Variants in ASB15 observed in about 807,000 individuals in gnomAD.
ASB15 encodes the protein ankyrin repeat and SOCS box protein 15.
ASB15 carries 54 observed loss-of-function variants against 58.0 expected under a neutral mutation model. That is an observed-to-expected ratio of 0.93 (90% confidence interval 0.75 to 1.17). ASB15 has a LOEUF of 1.17. Among genes scored for constraint, ASB15 ranks in the 50% most tolerant of loss-of-function variants. The pLI is 0.00. For synonymous variants in ASB15, 249 were observed against 262.4 expected (o/e 0.95, Z 0.50); for missense variants, 680 against 707.4 (o/e 0.96, Z 0.44).
At chr7:123,570,288 G>A (rs1310494012) in intron 1 of ASB15, among the ~76,000 whole-genome samples, 3 of 151,724 alleles carry the variant, frequency 2.0e-5, no homozygotes, top group African/African-American at 4.8e-5. Flanking sequence ...CACCCACCTC[G>A]GCCCCCCAAA....
chr7:123,625,611 C>T (rs1233735904), intron 8 of ASB15, among the ~76,000 whole-genome samples: 1 of 152,126 alleles, frequency 6.6e-6, no homozygotes, highest in Admixed American at 6.5e-5. Flanking sequence ...CTTGAGACAC[C>T]TCCTCCCTAA....
At chr7:123,605,184 T>C (rs947108302) in intron 2 of ASB15, among the ~76,000 whole-genome samples, 1 of 152,188 alleles carries the variant, frequency 6.6e-6, no homozygotes, top group African/African-American at 2.4e-5. Flanking sequence ...AATATATGCA[T>C]ATATATTTGT....
At chr7:123,607,338 C>T (rs138543649) in intron 2 of ASB15, among the ~76,000 whole-genome samples, 157 of 152,038 alleles carry the variant, frequency 1.0e-3, no homozygotes, top group Middle Eastern at 6.8e-3. Flanking sequence ...TGTAGTATTC[C>T]ATTTTTATGT....
chr7:123,630,539 T>C (rs1418260593), intron 11 of ASB15, among the ~76,000 whole-genome samples: 2 of 152,176 alleles, frequency 1.3e-5, no homozygotes, highest in Non-Finnish European at 2.9e-5. Context: ...AGAATTACTC[T>C]TTTTGACATG....
chr7:123,615,190 T>C (rs1584779833), intron 4 of ASB15: 1 of 152,308 alleles, frequency 6.6e-6, no homozygotes, highest in South Asian at 2.1e-4. Flanking sequence ...AATTAATAAA[T>C]TAAAATATAC....
At chr7:123,615,658 A>G (rs565254253) in intron 4 of ASB15, 1 of 152,504 alleles carries the variant, frequency 6.6e-6, no homozygotes, top group Non-Finnish European at 1.5e-5. Flanking sequence ...TGTTCAGTAA[A>G]TGCCCTGCCT....
Position 123,629,243 on chromosome 7 carries a change from C to T in ASB15, c.1249C>T (p.Arg417Cys). The T allele has an allele frequency of 1.9e-6, 3 of 1,613,630 alleles. No homozygotes were observed. Among genetic ancestry groups the T allele is most frequent in the Non-Finnish European group, 1.7e-6 (2 of 1,179,562 alleles). Residue 417 changes from arginine to cysteine, a missense_variant, in exon 10 of 12, where the codon CGT becomes TGT. By Grantham distance (180) the Arg-to-Cys change is radical (BLOSUM62 -3). Coordinates refer to ENST00000451215, the MANE Select transcript of ASB15 (RefSeq NM_001290258.2). ...NCYFMHVNDT[R>C]FPSVIQYALN... ...TTATTTTATGCATGTGAATGACACTCGTTTCCCCAGTGTCATTCAATATGC... is the reference window on the plus strand; with the variant it reads ...TTATTTTATGCATGTGAATGACACTTGTTTCCCCAGTGTCATTCAATATGC...
At chr7:123,631,673 C>T (rs1442614109) in intron 11 of ASB15, among the ~76,000 whole-genome samples, 5 of 152,096 alleles carry the variant, frequency 3.3e-5, no homozygotes, top group Non-Finnish European at 7.4e-5. Context: ...ATCTAACCAC[C>T]ATATTTTGAG....
At position 123,629,337 on chromosome 7, in the gene ASB15, G is replaced by A; in HGVS notation, c.1343G>A (p.Cys448Tyr). The A allele has an allele frequency of 2.5e-6, 4 of 1,614,016 alleles. No individual in the cohort carries two copies. Among genetic ancestry groups the A allele is most frequent in the Non-Finnish European group, 2.5e-6 (3 of 1,179,892 alleles). Residue 448 changes from cysteine (C) to tyrosine (Y), a missense_variant, in exon 10 of 12, where the codon TGC becomes TAC. Cys to Tyr is a radical substitution (Grantham distance 194, BLOSUM62 -2). Coordinates refer to ENST00000451215, the MANE Select transcript of ASB15 (RefSeq NM_001290258.2). ...TATCAAGTGGAGATGTGCTTTGACT[G>A]CATGCATGGTGACATCTTTGGAAAT... is the stretch of plus-strand genomic sequence containing the variant. ...NGYQVEMCFD[C>Y]MHGDIFGNSF...
intron 1 of ASB15, among the ~76,000 whole-genome samples, chr7:123,578,826 T>G (rs1169290172): frequency 6.6e-6 from 1 of 152,156 alleles, no homozygotes; most frequent in Non-Finnish European, 1.5e-5. Flanking sequence ...TCCCCTATTT[T>G]TGTCAATCTA....
upstream of ASB15, among the ~76,000 whole-genome samples, chr7:123,597,920 G>GTGTGTGTGTA (rs763059972): frequency 0.044 from 3,238 of 72,776 alleles, 72 homozygotes; most frequent in South Asian, 0.12. Flanking sequence ...CAAACTTCGT[G>GTGTGTGTGTA]TGTGTGTGTG....
rs112995982 is a variant in ASB15, at chr7:123,579,056, C to T, written c.-443+11968C>T. Among the ~76,000 whole-genome samples the T allele has an allele frequency of 3.9e-5, 6 of 152,002 alleles. No homozygotes were observed. The East Asian group carries it at 5.8e-4, about 15-fold the overall frequency. On this transcript the variant is annotated intron_variant, in intron 1 of 13. Coordinates refer to the ASB15 transcript ENST00000451558. ...GTGGTTTTTCAACCTTTGCCCCTCT[C>T]GCTCCCTCCTTCCTCCCTTTTGGTG...
intron 1 of ASB15, among the ~76,000 whole-genome samples, chr7:123,585,214 C>A (rs1799343067): frequency 6.6e-6 from 1 of 151,520 alleles, no homozygotes; most frequent in Non-Finnish European, 1.5e-5. Context: ...GTACCAATCC[C>A]CCTCTTAGAA....
At chr7:123,573,985 T>C (rs1272684557) in intron 1 of ASB15, among the ~76,000 whole-genome samples, 16 of 152,144 alleles carry the variant, frequency 1.1e-4, no homozygotes, top group Non-Finnish European at 1.2e-4. Context: ...GTCGCTTTTA[T>C]AAATACCTAG....
chr7:123,628,929 T>C lies in ASB15; in HGVS notation c.935T>C (p.Ile312Thr). The stretch of plus-strand genomic sequence containing the variant: ...ATTCGGAAAAGTGGGCTAACACCAA[T>C]TCACTCAGCAGCAGATGGACAAAAT... ...NAIRKSGLTP[I>T]HSAADGQNAQ... The change falls in exon 10 of 12, where the codon ATT (isoleucine) becomes ACT (threonine). Residue 312 changes from isoleucine to threonine, a missense_variant. Coordinates refer to ENST00000451215, the MANE Select transcript of ASB15 (RefSeq NM_001290258.2). 6.2e-7 allele frequency: 1 copy of C among 1,604,862 alleles called. No homozygotes were observed. The highest frequency in any genetic ancestry group is 8.5e-7 in the Non-Finnish European group (1 of 1,176,054).
intron 1 of ASB15, among the ~76,000 whole-genome samples, chr7:123,571,463 T>G (rs1798905384): frequency 1.3e-5 from 2 of 152,220 alleles, no homozygotes; most frequent in South Asian, 4.1e-4. Flanking sequence ...TGAAATATCA[T>G]AATAATATGT....
At chr7:123,604,533 G>A (rs1800042460) in intron 2 of ASB15, among the ~76,000 whole-genome samples, 2 of 151,098 alleles carry the variant, frequency 1.3e-5, no homozygotes, top group Non-Finnish European at 2.9e-5. Context: ...AGTGAGCCGA[G>A]ATCATGCCAT....
At chr7:123,592,155 A>AT (rs1315549518) in intron 1 of ASB15, among the ~76,000 whole-genome samples, 10 of 151,998 alleles carry the variant, frequency 6.6e-5, no homozygotes, top group African/African-American at 2.2e-4. Flanking sequence ...CCCCTTTATC[A>AT]TTTTTTATTG....
upstream of ASB15, chr7:123,598,881 C>T (rs1037694006): frequency 6.6e-6 from 1 of 152,142 alleles, no homozygotes; most frequent in African/African-American, 2.4e-5. Context: ...GACATCAGTG[C>T]TGTTGGAGGA....
Sources: allele counts gnomAD v4.1 joint callset (sites outside exome capture counted in the v4.1 genomes callset), GRCh38; gene constraint gnomAD v4.1.1; transcripts MANE v1.5; gene names NCBI Gene and HGNC (gene_info 2026-07-23, HGNC 2026-07-21).